The following UQCRC1 variants were observed in gnomAD, a reference collection of about 807,000 sequenced individuals.
UQCRC1 encodes cytochrome b-c1 complex subunit 1, mitochondrial.
In UQCRC1, 34 loss-of-function variants were observed where a neutral mutation model predicts 58.0. The observed-to-expected ratio is 0.59, with a 90% confidence interval of 0.45 to 0.78. The LOEUF is 0.78. Ranked by LOEUF, UQCRC1 falls within the 30% of genes least tolerant of loss-of-function variation. The pLI is 0.00. For synonymous variants in UQCRC1, 276 were observed against 248.8 expected (o/e 1.11, Z -1.03); for missense variants, 610 against 646.0 (o/e 0.94, Z 0.60).
chr3:48,604,574 G>A (rs2046395209), intron 4 of UQCRC1, 77 bp downstream of exon 4: 1 of 1,603,462 alleles, frequency 6.2e-7, no homozygotes, highest in African/African-American at 1.3e-5. Flanking sequence ...ATATGATTCT[G>A]TGGTCAGCCA....
chr3:48,599,796 TC>T, intron 11 of UQCRC1, 86 bp from the exon 12 acceptor site: 1 of 1,402,238 alleles, frequency 7.1e-7, no homozygotes. Flanking sequence ...AGCAGAGATC[TC>T]CCACAGGCAG....
chr3:48,606,041 G>A (rs1439219424), intron 2 of UQCRC1, among the ~76,000 whole-genome samples, 185 bp from the exon 3 acceptor site: 1 of 152,172 alleles, frequency 6.6e-6, no homozygotes, highest in African/African-American at 2.4e-5. Context: ...AGGGGCAGCC[G>A]AATGACTCGT....
Position 48,599,090 on chromosome 3 carries a change from AC to A in UQCRC1, c.*37del. The A allele has an allele frequency of 6.2e-7, 1 of 1,607,766 alleles. No homozygotes were observed. Among genetic ancestry groups the A allele is most frequent in the Non-Finnish European group, 8.5e-7 (1 of 1,176,862 alleles). The stretch of plus-strand genomic sequence containing the variant: ...GTTTGTGGTGGGGGGGGGACCACAA[AC>A]CCCGGCCCTGCCCTCTTGCTTACAT... On this transcript the variant is annotated 3_prime_UTR_variant, in exon 13 of 13. Transcript: ENST00000203407.
chr3:48,605,986 C>A, intron 2 of UQCRC1, 130 bp from the exon 3 acceptor site: 1 of 802,216 alleles, frequency 1.2e-6, no homozygotes, highest in Non-Finnish European at 1.9e-6. Context: ...GAGAGCTGCC[C>A]CAGCAGGACC....
chr3:48,599,360 T>A (rs573423735), intron 12 of UQCRC1, 168 bp from the exon 13 acceptor site: 97 of 841,210 alleles, frequency 1.2e-4, no homozygotes, highest in Non-Finnish European at 1.6e-4. Flanking sequence ...TGTCCCTTCA[T>A]GTTCTGGCCC....
In UQCRC1 at chr3:48,599,126, G is replaced by A. The variant is rs139174123; in HGVS notation, c.*2C>T. The A allele has an allele frequency of 3.3e-4, 537 of 1,612,072 alleles. 2 individuals carry two copies. The Admixed American group carries it at 6.7e-3, about 20-fold the overall frequency. ...GCCCTCTTGCTTACATAGGCTTCCC[G>A]CCTAGAAGCGCAGCCAGAACATGCC... On this transcript the variant is annotated 3_prime_UTR_variant, in exon 13 of 13. Transcript: ENST00000203407.
chr3:48,608,164 G>A (rs1023772713), intron 2 of UQCRC1, among the ~76,000 whole-genome samples: 1 of 152,170 alleles, frequency 6.6e-6, no homozygotes, highest in African/African-American at 2.4e-5. Flanking sequence ...ATCCTTCCAA[G>A]TCTTCACTGT....
intron 1 of UQCRC1, 49 bp from the exon 2 acceptor site, chr3:48,609,351 C>A: frequency 1.3e-6 from 2 of 1,576,048 alleles, no homozygotes; most frequent in Non-Finnish European, 1.7e-6. Context: ...GGGATCGCTC[C>A]CCACCTCCCA....
In UQCRC1 at chr3:48,601,104, A is replaced by G. The variant is rs145787809; in HGVS notation, c.837T>C (p.Asp279=). 6.4e-5 allele frequency: 102 copies of G among 1,602,050 alleles called. No homozygotes were observed. In the African/African-American group the frequency reaches 1.3e-3, roughly 20 times the overall value. Residue 279 remains aspartate (D), a synonymous_variant, in exon 8 of 13, where the codon GAT becomes GAC. Transcript: ENST00000203407. ...CCACGTGGGCAAAAGGTAGAGCATC[A>G]TCACGGTGGCGGATCTGAAACAGTA... ...RFTGSEIRHR[D]DALPFAHVAI...
At chr3:48,599,272 G>C in intron 12 of UQCRC1, 80 bp from the exon 13 acceptor site, 1 of 1,443,334 alleles carries the variant, frequency 6.9e-7, no homozygotes, top group Non-Finnish European at 9.4e-7. Flanking sequence ...ACCCAGCTCG[G>C]AGATGCTGCC....
intron 6 of UQCRC1, among the ~76,000 whole-genome samples, chr3:48,602,876 G>C (rs1435682514): frequency 6.6e-6 from 1 of 152,000 alleles, no homozygotes; most frequent in Non-Finnish European, 1.5e-5. Flanking sequence ...ACCCCAACCA[G>C]GTTCCATCTA....
intron 2 of UQCRC1, 88 bp downstream of exon 2, chr3:48,609,074 A>G: frequency 5.3e-6 from 8 of 1,513,932 alleles, no homozygotes; most frequent in Non-Finnish European, 7.1e-6. Context: ...ACAAACGGGA[A>G]GACTCGAGCC....
chr3:48,604,432 C>G lies in UQCRC1; in HGVS notation c.428-1G>C, dbSNP rs564772515. 6.2e-7 allele frequency: 1 copy of G among 1,613,742 alleles called. No individual in the cohort carries two copies. The highest frequency in any genetic ancestry group is 1.1e-5 in the South Asian group (1 of 91,070). On this transcript the variant is annotated splice_acceptor_variant, in intron 4 of 12. Coordinates refer to ENST00000203407, the MANE Select transcript of UQCRC1 (RefSeq NM_003365.3). LOFTEE classifies it high-confidence loss of function. ...ACAATGTCACCCAGGAGCTCCACAG[C>G]TAGATGCAAGGAGGACATGTTTAGG...
intron 7 of UQCRC1, 42 bp downstream of exon 7, chr3:48,601,309 AG>A: frequency 7.5e-6 from 12 of 1,604,744 alleles, no homozygotes; most frequent in Non-Finnish European, 1.0e-5. Context: ...GTCCTCCCAC[AG>A]GCCCCCAGCT....
chr3:48,608,545 C>T (rs1466317542), intron 2 of UQCRC1, among the ~76,000 whole-genome samples: 2 of 152,194 alleles, frequency 1.3e-5, no homozygotes, highest in African/African-American at 2.4e-5. Flanking sequence ...AATCGCAGGA[C>T]ATTGTTTCTG....
intron 10 of UQCRC1, 67 bp from the exon 11 acceptor site, chr3:48,600,218 A>C: frequency 3.9e-6 from 6 of 1,543,446 alleles, no homozygotes; most frequent in Non-Finnish European, 5.4e-6. Context: ...TACACAAACA[A>C]TCTCCAGCCT....
chr3:48,600,709 A>T lies in UQCRC1; in HGVS notation c.1098T>A (p.Asp366Glu), dbSNP rs1481552087. Reference sequence around the variant, plus strand: ...GCCCTTGCAGGACGAACATCATGTCATCGATTTTCATTCGGTCACAGACAA... The same window carrying T: ...GCCCTTGCAGGACGAACATCATGTCTTCGATTTTCATTCGGTCACAGACAA... ...AHFVCDRMKI[D>E]DMMFVLQGQW... The change falls in exon 9 of 13, where the codon GAT (aspartate) becomes GAA (glutamate). Residue 366 changes from aspartate (D) to glutamate (E), a missense_variant. Coordinates refer to ENST00000203407, the MANE Select transcript of UQCRC1 (RefSeq NM_003365.3). 1 of 1,614,174 alleles carries T rather than the reference A, an allele frequency of 6.2e-7. No individual in the cohort carries two copies. The highest frequency in any genetic ancestry group is 1.7e-5 in the Admixed American group (1 of 60,032).
chr3:48,608,705 A>T (rs955332924), intron 2 of UQCRC1, among the ~76,000 whole-genome samples: 2 of 152,222 alleles, frequency 1.3e-5, no homozygotes, highest in African/African-American at 4.8e-5. Flanking sequence ...GAGAATTTGT[A>T]TTTTTTGGAA....
At chr3:48,604,603 T>A in intron 4 of UQCRC1, 48 bp downstream of exon 4, 2 of 1,612,000 alleles carry the variant, frequency 1.2e-6, no homozygotes, top group Non-Finnish European at 1.7e-6. Flanking sequence ...TAGGTAGCTG[T>A]CCTCTGCTTC....
Sources: allele counts gnomAD v4.1 joint callset (sites outside exome capture counted in the v4.1 genomes callset), GRCh38; gene constraint gnomAD v4.1.1; transcripts MANE v1.5; gene names NCBI Gene and HGNC (gene_info 2026-07-23, HGNC 2026-07-21).